The following KHDRBS3 variants were observed in gnomAD, a reference collection of about 807,000 sequenced individuals.
The protein encoded by KHDRBS3 is KH RNA binding domain containing, signal transduction associated 3, also known as KH domain-containing, RNA-binding, signal transduction-associated protein 3.
KHDRBS3 carries 23 observed loss-of-function variants against 45.6 expected under a neutral mutation model. The ratio of observed to expected loss-of-function variants is 0.50; its 90% confidence interval spans 0.36 to 0.72. The LOEUF is 0.72. Ranked by LOEUF, KHDRBS3 falls within the 30% of genes least tolerant of loss-of-function variation. The pLI is 0.00. For synonymous variants in KHDRBS3, 162 were observed against 156.5 expected (o/e 1.04, Z -0.26); for missense variants, 352 against 424.8 (o/e 0.83, Z 1.51).
chr8:135,606,896 G>A (rs1445948780), intron 6 of KHDRBS3, 59 bp from the exon 7 acceptor site: 8 of 1,306,632 alleles, frequency 6.1e-6, no homozygotes, highest in Non-Finnish European at 8.8e-6. Context: ...AAAGCAGAAT[G>A]CTTCTTTCTT....
At chr8:135,469,949 A>C (rs1357883759) in intron 1 of KHDRBS3, among the ~76,000 whole-genome samples, 1 of 152,242 alleles carries the variant, frequency 6.6e-6, no homozygotes. Context: ...ATGGAGGTTC[A>C]TTCTGTTTAA....
chr8:135,606,468 C>T lies in KHDRBS3; in HGVS notation c.808-487C>T, dbSNP rs531552527. Among the ~76,000 whole-genome samples, 4 of 152,220 alleles carry T rather than the reference C, an allele frequency of 2.6e-5. No individual in the cohort carries two copies. The South Asian group carries it at 6.2e-4, about 24-fold the overall frequency. On this transcript the variant is annotated intron_variant, in intron 6 of 8. Coordinates refer to ENST00000355849, the MANE Select transcript of KHDRBS3 (RefSeq NM_006558.3). ...ATTTTGCAAGGGGTGAAGTCTGAGT[C>T]AGGTCAAATGAAGACAGTTCTCTAG... is the stretch of plus-strand genomic sequence containing the variant.
At chr8:135,544,920 C>A (rs1267892029) in intron 3 of KHDRBS3, among the ~76,000 whole-genome samples, 1 of 151,914 alleles carries the variant, frequency 6.6e-6, no homozygotes, top group Admixed American at 6.6e-5. Flanking sequence ...AGTCTCCTTA[C>A]CTTCTAATCC....
chr8:135,463,633 A>T (rs1035262585), intron 1 of KHDRBS3, among the ~76,000 whole-genome samples: 2 of 152,188 alleles, frequency 1.3e-5, no homozygotes, highest in East Asian at 3.8e-4. Context: ...CTCATGACAG[A>T]TTAAAAACAG....
chr8:135,503,276 T>C (rs754410421), intron 1 of KHDRBS3, among the ~76,000 whole-genome samples: 3 of 152,242 alleles, frequency 2.0e-5, no homozygotes, highest in Non-Finnish European at 4.4e-5. Flanking sequence ...ACATGCACAG[T>C]TCTCTTAACT....
intron 1 of KHDRBS3, among the ~76,000 whole-genome samples, chr8:135,459,716 A>T (rs1000785753): frequency 6.6e-6 from 1 of 152,232 alleles, no homozygotes; most frequent in Non-Finnish European, 1.5e-5. Flanking sequence ...TTATTTTAAA[A>T]GTCAGAATTA....
At chr8:135,617,951 A>G (rs750303971) in intron 7 of KHDRBS3, among the ~76,000 whole-genome samples, 1 of 152,188 alleles carries the variant, frequency 6.6e-6, no homozygotes, top group Non-Finnish European at 1.5e-5. Context: ...GCTCTAAGTT[A>G]CTTGTTGCAG....
chr8:135,625,586 T>C (rs1830321807), intron 7 of KHDRBS3: 1 of 955,078 alleles, frequency 1.0e-6, no homozygotes, highest in African/African-American at 1.6e-5. Flanking sequence ...TGCAGTTTCT[T>C]GACCTTGTCT....
chr8:135,597,085 A>T (rs1325849547), intron 6 of KHDRBS3, among the ~76,000 whole-genome samples: 1 of 152,208 alleles, frequency 6.6e-6, no homozygotes, highest in Non-Finnish European at 1.5e-5. Context: ...AAAGAAATGT[A>T]TTCTCACATT....
chr8:135,564,644 T>G (rs1253023361), intron 5 of KHDRBS3, among the ~76,000 whole-genome samples: 2 of 152,202 alleles, frequency 1.3e-5, no homozygotes, highest in African/African-American at 4.8e-5. Context: ...TCATTATTTT[T>G]TTGTCTGTTT....
chr8:135,627,442 CAAAAGG>C (rs1830421027), intron 7 of KHDRBS3, among the ~76,000 whole-genome samples: 1 of 152,132 alleles, frequency 6.6e-6, no homozygotes, highest in Non-Finnish European at 1.5e-5. Context: ...ACTTCATCTG[CAAAAGG>C]ATTGATACAT....
chr8:135,626,037 C>A, intron 7 of KHDRBS3: 1 of 596,980 alleles, frequency 1.7e-6, no homozygotes, highest in South Asian at 2.1e-5. Flanking sequence ...GGTTCCAGTT[C>A]CTTACTTTTT....
intron 1 of KHDRBS3, among the ~76,000 whole-genome samples, chr8:135,479,098 A>T (rs963511965): frequency 1.3e-5 from 2 of 152,224 alleles, no homozygotes; most frequent in Admixed American, 1.3e-4. Context: ...TGTTCTGTAG[A>T]TGTCTGTTAA....
chr8:135,536,262 T>TTTTTTTTTTAAAA (rs1491256544), intron 2 of KHDRBS3, among the ~76,000 whole-genome samples: 1 of 98,762 alleles, frequency 1.0e-5, no homozygotes, highest in Non-Finnish European at 2.3e-5. Context: ...TTTTTTTTTT[T>TTTTTTTTTTAAAA]ATTATTGTTT....
At chr8:135,572,282 A>G (rs6577649) in intron 5 of KHDRBS3, among the ~76,000 whole-genome samples, 148,042 of 152,294 alleles carry the variant, frequency 0.97, 72,088 homozygotes, top group East Asian at 1. Context: ...CAGAGACTTC[A>G]CTGGGTACAA....
intron 6 of KHDRBS3, among the ~76,000 whole-genome samples, chr8:135,604,385 T>C (rs1350400422): frequency 6.6e-6 from 1 of 152,036 alleles, no homozygotes; most frequent in Non-Finnish European, 1.5e-5. Context: ...TTCTTCCTTT[T>C]AATAGGTGTG....
chr8:135,473,713 C>T (rs1015381294), intron 1 of KHDRBS3, among the ~76,000 whole-genome samples: 6 of 152,094 alleles, frequency 3.9e-5, no homozygotes, highest in African/African-American at 1.4e-4. Flanking sequence ...ATAGGGGCCT[C>T]TTCCAAAATG....
intron 4 of KHDRBS3, among the ~76,000 whole-genome samples, chr8:135,552,432 C>T (rs981587168): frequency 6.6e-6 from 1 of 152,138 alleles, no homozygotes; most frequent in African/African-American, 2.4e-5. Flanking sequence ...TGGCAATACG[C>T]TTTTTAAATT....
intron 2 of KHDRBS3, among the ~76,000 whole-genome samples, chr8:135,536,743 GAGGTC>G (rs1322896801): frequency 6.6e-6 from 1 of 151,326 alleles, no homozygotes; most frequent in Non-Finnish European, 1.5e-5. Flanking sequence ...GGTGGATCAT[GAGGTC>G]AGGAGATCGA....
Sources: allele counts gnomAD v4.1 joint callset (sites outside exome capture counted in the v4.1 genomes callset), GRCh38; gene constraint gnomAD v4.1.1; transcripts MANE v1.5; gene names NCBI Gene and HGNC (gene_info 2026-07-23, HGNC 2026-07-21).